Variants in KAZN observed in about 807,000 individuals in gnomAD.
The protein encoded by KAZN is kazrin.
KAZN carries 40 observed loss-of-function variants against 87.4 expected under a neutral mutation model. That is an observed-to-expected ratio of 0.46 (90% CI 0.36 to 0.60). KAZN has a LOEUF of 0.60. Ranked by LOEUF, KAZN falls within the 20% of genes least tolerant of loss-of-function variation. The pLI is 0.00. For synonymous variants in KAZN, 466 were observed against 458.3 expected (o/e 1.02, Z -0.22); for missense variants, 898 against 1,073.9 (o/e 0.84, Z 2.29).
Position 15,069,028 on chromosome 1 carries a change from G to GA in KAZN, c.1222+3286dup, listed in dbSNP as rs34706869. 7.9e-4 allele frequency among the ~76,000 whole-genome samples: 116 copies of GA among 146,696 alleles called. 1 individual carries two copies. Among genetic ancestry groups the GA allele is most frequent in the Middle Eastern group, 3.5e-3 (1 of 282 alleles). ...GTTCTCAGCCTGACCACACCTTAGG[G>GA]AAAAAAAAAAATACTCATTCCAGGC... On this transcript the variant is annotated intron_variant, in intron 8 of 14. Coordinates refer to ENST00000376030, the MANE Select transcript of KAZN (RefSeq NM_201628.3).
At chr1:14,039,474 T>G (rs79326648) in intron 1 of KAZN, among the ~76,000 whole-genome samples, 8,158 of 152,270 alleles carry the variant, frequency 0.054, 593 homozygotes, top group African/African-American at 0.16. Context: ...GACCCTAACA[T>G]CTAGCAATGC....
rs117785668 is a variant in KAZN, at chr1:15,048,279, T to C, written c.726+4120T>C. On this transcript the variant is annotated intron_variant, in intron 4 of 14. Coordinates refer to ENST00000376030, the MANE Select transcript of KAZN (RefSeq NM_201628.3). ...AAAGCCCTCTATTGGCATTTAGCAA[T>C]GAAGGTGGGCACCCTGAGGCCTGCC... is the stretch of plus-strand genomic sequence containing the variant. Among the ~76,000 whole-genome samples the C allele has an allele frequency of 5.9e-3, 895 of 152,344 alleles. 6 individuals carry two copies. The highest frequency in any genetic ancestry group is 0.042 in the South Asian group (204 of 4,832).
chr1:14,769,090 C>G lies in KAZN; in HGVS notation c.226+169867C>G, dbSNP rs952212902. Among the ~76,000 whole-genome samples the G allele has an allele frequency of 3.3e-5, 5 of 152,120 alleles. No homozygotes were observed. Among genetic ancestry groups the G allele is most frequent in the Non-Finnish European group, 7.4e-5 (5 of 68,018 alleles). ...CAAAGAGCCCATTTGAAGGCTCAAC[C>G]CTTTAGAGCTCCCTTTGCTGTCCAT... On this transcript the variant is annotated intron_variant, in intron 1 of 14. Transcript: ENST00000376030. The surrounding 1 kb of genome is among the most constrained non-coding windows in gnomAD (Gnocchi z 4.1).
At chr1:13,978,877 G>A (rs1301791064) in intron 1 of KAZN, among the ~76,000 whole-genome samples, 1 of 152,000 alleles carries the variant, frequency 6.6e-6, no homozygotes, top group Non-Finnish European at 1.5e-5. Flanking sequence ...GAGGTGGGAG[G>A]ATCGCTTGAG....
At chr1:15,051,287 A>G (rs1450657858) in intron 4 of KAZN, among the ~76,000 whole-genome samples, 1 of 152,230 alleles carries the variant, frequency 6.6e-6, no homozygotes, top group Non-Finnish European at 1.5e-5. Flanking sequence ...CCTCCGGATC[A>G]GCGGAACCTC....
Position 15,094,148 on chromosome 1 carries a change from C to A in KAZN, c.1223-32C>A, listed in dbSNP as rs772358621. Reference sequence around the variant, plus strand: ...CAGCCCCTGCCCCCAGCAGCCTCGTCCCCCAGCATGGCCTGCACTTGTGTG... The same window carrying A: ...CAGCCCCTGCCCCCAGCAGCCTCGTACCCCAGCATGGCCTGCACTTGTGTG... On this transcript the variant is annotated intron_variant, in intron 8 of 14. Coordinates refer to ENST00000376030, the MANE Select transcript of KAZN (RefSeq NM_201628.3). This position sits in a 1 kb window ranked among gnomAD's most constrained non-coding sequence, Gnocchi z 4.5. 33 of 1,601,496 alleles carry A rather than the reference C, an allele frequency of 2.1e-5. No homozygotes were observed. The South Asian group carries it at 3.3e-4, about 16-fold the overall frequency.
intron 1 of KAZN, among the ~76,000 whole-genome samples, chr1:14,080,900 A>G (rs1466578919): frequency 6.6e-6 from 1 of 152,200 alleles, no homozygotes; most frequent in Admixed American, 6.5e-5. Flanking sequence ...CCCTGAAGAT[A>G]CAGAAAGAAC....
At chr1:14,039,022 T>C (rs1641683650) in intron 1 of KAZN, among the ~76,000 whole-genome samples, 2 of 151,754 alleles carry the variant, frequency 1.3e-5, no homozygotes, top group Non-Finnish European at 2.9e-5. Context: ...ACACAAAAAA[T>C]TAGCTGGGCA....
chr1:14,084,490 A>G (rs1643790742), intron 1 of KAZN, among the ~76,000 whole-genome samples: 1 of 152,094 alleles, frequency 6.6e-6, no homozygotes, highest in Non-Finnish European at 1.5e-5. Flanking sequence ...GGTTAAATAC[A>G]TCCTTTACAT....
At chr1:14,494,224 A>C (rs1296313830) in intron 2 of KAZN, among the ~76,000 whole-genome samples, 2 of 152,166 alleles carry the variant, frequency 1.3e-5, no homozygotes, top group Non-Finnish European at 2.9e-5. Flanking sequence ...TCAAATGGGG[A>C]AATTAGGCAA....
At chr1:14,413,526 T>C (rs1367217874) in intron 2 of KAZN, among the ~76,000 whole-genome samples, 1 of 144,220 alleles carries the variant, frequency 6.9e-6, no homozygotes, top group Non-Finnish European at 1.5e-5. Flanking sequence ...GAGGCGGAGC[T>C]TGCAGTGAGC....
At chr1:15,002,922 G>A (rs1031182821) in intron 2 of KAZN, among the ~76,000 whole-genome samples, 2 of 152,026 alleles carry the variant, frequency 1.3e-5, no homozygotes, top group Non-Finnish European at 2.9e-5. Flanking sequence ...GTTACAGCGA[G>A]CCGAGATGGC....
intron 2 of KAZN, among the ~76,000 whole-genome samples, chr1:14,194,784 G>A (rs1454532498): frequency 1.3e-5 from 2 of 152,246 alleles, no homozygotes; most frequent in African/African-American, 4.8e-5. Context: ...CTGAAGGGAG[G>A]GGAGGGGGAC....
chr1:14,723,625 C>T (rs1008760630), intron 1 of KAZN, among the ~76,000 whole-genome samples: 1 of 152,224 alleles, frequency 6.6e-6, no homozygotes, highest in Non-Finnish European at 1.5e-5. Flanking sequence ...CTGCCGGGCT[C>T]AGCATCCATT....
intron 1 of KAZN, among the ~76,000 whole-genome samples, chr1:14,747,856 C>T (rs887477648): frequency 6.6e-6 from 1 of 152,210 alleles, no homozygotes; most frequent in Non-Finnish European, 1.5e-5. Flanking sequence ...GTCACTACAT[C>T]CCCGCCAACA....
chr1:14,658,232 C>G (rs1638924523), intron 1 of KAZN, among the ~76,000 whole-genome samples: 1 of 152,118 alleles, frequency 6.6e-6, no homozygotes, highest in East Asian at 1.9e-4. Context: ...AGCTCTGTGA[C>G]CTTGGGTGAG....
chr1:15,016,414 T>C (rs1420306934), intron 2 of KAZN, among the ~76,000 whole-genome samples: 1 of 152,002 alleles, frequency 6.6e-6, no homozygotes, highest in Non-Finnish European at 1.5e-5. Context: ...GCCTCCCGAG[T>C]AGCTGGGATT....
At chr1:14,132,690 C>T (rs1167270977) in intron 1 of KAZN, among the ~76,000 whole-genome samples, 1 of 152,198 alleles carries the variant, frequency 6.6e-6, no homozygotes, top group African/African-American at 2.4e-5. Context: ...AACTTCCACC[C>T]ATTCGATGGA....
Position 13,923,588 on chromosome 1 carries a change from A to AAAAAAAAAG in KAZN, c.91+29836_91+29837insAAAAGAAAA, listed in dbSNP as rs1553174046. ...ACTCCATCTCAAAAAAAAAAAAAAA[A>AAAAAAAAAG]AAAATATAATTACTGTTTGTTAAGT... On this transcript the variant is annotated intron_variant, in intron 1 of 16. Transcript: ENST00000636203. Among the ~76,000 whole-genome samples the AAAAAAAAAG allele has an allele frequency of 1.4e-5, 2 of 139,882 alleles. 1 individual carries two copies. Among genetic ancestry groups the AAAAAAAAAG allele is most frequent in the African/African-American group, 5.6e-5 (2 of 35,632 alleles). 91.8% of individuals were successfully genotyped at this position (139,882 alleles called of 152,430 possible). A position where few individuals can be genotyped will look rare whatever the true frequency, so the allele number is the denominator to read the frequency against.
Sources: allele counts gnomAD v4.1 joint callset (sites outside exome capture counted in the v4.1 genomes callset), GRCh38; gene constraint gnomAD v4.1.1; non-coding constraint Gnocchi (gnomAD v3.1); transcripts MANE v1.5; gene names NCBI Gene and HGNC (gene_info 2026-07-23, HGNC 2026-07-21).